The following ABCA13 variants were observed in gnomAD, a reference collection of about 807,000 sequenced individuals.
ABCA13 encodes the protein ATP-binding cassette sub-family A member 13.
Under a neutral mutation model 478.7 loss-of-function variants are expected in ABCA13, and 476 were observed. The ratio of observed to expected loss-of-function variants is 0.99; its 90% confidence interval spans 0.92 to 1.07. The LOEUF is 1.07. ABCA13 is among the 50% of genes least tolerant of loss of function. The probability of loss-of-function intolerance (pLI) is 0.00; values close to 1 mark genes in which losing one functional copy is unlikely to be tolerated. For missense variants in ABCA13, 6,060 were observed against 5,910.6 expected (o/e 1.03, Z -0.83); for synonymous variants, 2,252 against 2,158.9 (o/e 1.04, Z -1.20).
chr7:48,223,573 A>G (rs993339309), intron 5 of ABCA13, among the ~76,000 whole-genome samples: 2 of 152,122 alleles, frequency 1.3e-5, no homozygotes, highest in African/African-American at 4.8e-5. Flanking sequence ...TGCCACTGGG[A>G]TTAGCAGCAT....
Position 48,455,048 on chromosome 7 carries a change from G to A in ABCA13, c.12577G>A (p.Ala4193Thr). 6.6e-7 allele frequency: 1 copy of A among 1,523,036 alleles called. No homozygotes were observed. Among genetic ancestry groups the A allele is most frequent in the Non-Finnish European group, 8.8e-7 (1 of 1,137,024 alleles). 94.3% of individuals were successfully genotyped at this position (1,523,036 alleles called of 1,614,324 possible). A position where few individuals can be genotyped will look rare whatever the true frequency, so the allele number is the denominator to read the frequency against. The change falls in exon 43 of 62, where the codon GCA (alanine) becomes ACA (threonine). Residue 4193 changes from alanine to threonine, a missense_variant. Around this residue, in one of 3 missense-constraint regions of ABCA13, gnomAD observed 1,627 missense variants for 1,571.0 expected, o/e 1.04. Coordinates refer to ENST00000435803, the MANE Select transcript of ABCA13 (RefSeq NM_152701.5). ...GHLSGYCGSLARPATVQGVQL... is the reference protein window; with the variant it reads ...GHLSGYCGSLTRPATVQGVQL... ...CGCCCGTCCTGCAGGTGGCTCCCTA[G>A]CACGGCCCGCAACTGTGCAGGGCGT...
At chr7:48,288,754 G>A (rs1028220715) in intron 20 of ABCA13, among the ~76,000 whole-genome samples, 1 of 152,156 alleles carries the variant, frequency 6.6e-6, no homozygotes, top group Non-Finnish European at 1.5e-5. Context: ...AACCAGCATA[G>A]CAATTTCCTT....
At chr7:48,550,507 C>A (rs1346794614) in intron 55 of ABCA13, among the ~76,000 whole-genome samples, 2 of 151,858 alleles carry the variant, frequency 1.3e-5, no homozygotes, top group East Asian at 3.9e-4. Flanking sequence ...ATCCGCCCCC[C>A]CTCAGCCTCC....
At chr7:48,409,812 G>T (rs544308383) in intron 39 of ABCA13, among the ~76,000 whole-genome samples, 4 of 151,882 alleles carry the variant, frequency 2.6e-5, no homozygotes, top group South Asian at 4.2e-4. Context: ...GGCATGGAGG[G>T]TTCACACTTG....
intron 2 of ABCA13, among the ~76,000 whole-genome samples, chr7:48,195,994 G>C (rs1160764459): frequency 6.6e-6 from 1 of 152,138 alleles, no homozygotes; most frequent in African/African-American, 2.4e-5. Context: ...AGAAAACCAG[G>C]TGTACTGTGC....
intron 15 of ABCA13, among the ~76,000 whole-genome samples, chr7:48,256,513 A>G (rs1366688267): frequency 6.6e-6 from 1 of 152,136 alleles, no homozygotes; most frequent in Non-Finnish European, 1.5e-5. Flanking sequence ...TCTTCTGCAC[A>G]TGGCTAGCCA....
chr7:48,407,495 A>G (rs979782298), intron 39 of ABCA13, among the ~76,000 whole-genome samples: 66 of 152,138 alleles, frequency 4.3e-4, no homozygotes, highest in African/African-American at 1.5e-3. Flanking sequence ...ATTTTCAGGG[A>G]AAGAAAGCCA....
chr7:48,205,798 C>A (rs575251277), intron 3 of ABCA13, among the ~76,000 whole-genome samples: 38 of 152,030 alleles, frequency 2.5e-4, no homozygotes, highest in Non-Finnish European at 1.6e-4. Flanking sequence ...GTTGCTATTG[C>A]AAATAGTATT....
chr7:48,427,710 A>G, intron 41 of ABCA13, 56 bp from the exon 42 acceptor site: 1 of 1,169,296 alleles, frequency 8.6e-7, no homozygotes, highest in Non-Finnish European at 1.3e-6. Context: ...GAAGAAAAGA[A>G]ATGCGATGTG....
At chr7:48,300,835 C>G (rs892793971) in intron 23 of ABCA13, among the ~76,000 whole-genome samples, 1 of 152,190 alleles carries the variant, frequency 6.6e-6, no homozygotes, top group Admixed American at 6.5e-5. Flanking sequence ...TCTAGCCCAG[C>G]CTTCTGTCCT....
Position 48,305,376 on chromosome 7 carries a change from G to A in ABCA13, c.9322-4571G>A, listed in dbSNP as rs145405769. On this transcript the variant is annotated intron_variant, in intron 23 of 61. Transcript: ENST00000435803. Reference sequence around the variant, plus strand: ...TCTCTTGTACTTGCCTCTTTATCCTGTGAGCAGCTCTGAGCTCAAATGGGT... The same window carrying A: ...TCTCTTGTACTTGCCTCTTTATCCTATGAGCAGCTCTGAGCTCAAATGGGT... Among the ~76,000 whole-genome samples the A allele has an allele frequency of 1.0e-3, 155 of 152,278 alleles. 1 individual carries two copies. Among genetic ancestry groups the A allele is most frequent in the African/African-American group, 3.5e-3 (144 of 41,556 alleles).
intron 20 of ABCA13, among the ~76,000 whole-genome samples, chr7:48,292,379 G>T (rs572897415): frequency 1.3e-5 from 2 of 151,978 alleles, no homozygotes; most frequent in Non-Finnish European, 2.9e-5. Context: ...ACCTCCACCA[G>T]CACCTTTCAG....
intron 41 of ABCA13, among the ~76,000 whole-genome samples, chr7:48,423,696 A>G (rs1162601828): frequency 2.0e-5 from 3 of 152,252 alleles, no homozygotes; most frequent in African/African-American, 7.2e-5. Flanking sequence ...CCTTGAAAAG[A>G]AAGAGTGGAT....
At chr7:48,644,896 G>T in intron 61 of ABCA13, 142 bp downstream of exon 61, 2 of 944,408 alleles carry the variant, frequency 2.1e-6, no homozygotes, top group African/African-American at 1.7e-5. Context: ...ATTATGATAA[G>T]GATGGTGAGT....
intron 47 of ABCA13, among the ~76,000 whole-genome samples, chr7:48,484,597 G>A (rs1410280628): frequency 6.6e-6 from 1 of 152,178 alleles, no homozygotes; most frequent in African/African-American, 2.4e-5. Flanking sequence ...CTGAGGCACG[G>A]ACCTCTTGTT....
chr7:48,303,146 G>GT, intron 23 of ABCA13, among the ~76,000 whole-genome samples: 1 of 152,200 alleles, frequency 6.6e-6, no homozygotes, highest in South Asian at 2.1e-4. Flanking sequence ...CTTCTGAAAA[G>GT]TGTCTGTTCA....
intron 42 of ABCA13, among the ~76,000 whole-genome samples, chr7:48,429,721 T>C (rs1341557099): frequency 6.6e-6 from 1 of 152,238 alleles, no homozygotes; most frequent in African/African-American, 2.4e-5. Context: ...GTTTATGAAG[T>C]TGAAGAAGTT....
At chr7:48,401,586 C>T (rs925771139) in intron 38 of ABCA13, among the ~76,000 whole-genome samples, 2 of 152,138 alleles carry the variant, frequency 1.3e-5, no homozygotes, top group African/African-American at 4.8e-5. Flanking sequence ...TTTGATGCCC[C>T]TACCTTTATA....
In ABCA13 at chr7:48,511,109, T is replaced by C. The variant is rs972820093; in HGVS notation, c.13550T>C (p.Leu4517Pro). 3.7e-6 allele frequency: 6 copies of C among 1,613,740 alleles called. No individual in the cohort carries two copies. Among genetic ancestry groups the C allele is most frequent in the Admixed American group, 1.7e-5 (1 of 60,028 alleles). ...DMLFYLVSVCLCVAVIVAFQL... is the reference protein window; with the variant it reads ...DMLFYLVSVCPCVAVIVAFQL... Reference sequence around the variant, plus strand: ...CTCTTTTACTTGGTTTCCGTCTGCCTGTGTGTTGCCGTTATTGTCGCCTTC... The same window carrying C: ...CTCTTTTACTTGGTTTCCGTCTGCCCGTGTGTTGCCGTTATTGTCGCCTTC... Residue 4517 changes from leucine to proline, a missense_variant, in exon 51 of 62, where the codon CTG becomes CCG. Physicochemically the swap from Leu to Pro is moderately conservative, Grantham distance 98. Coordinates refer to ENST00000435803, the MANE Select transcript of ABCA13 (RefSeq NM_152701.5).
Sources: allele counts gnomAD v4.1 joint callset (sites outside exome capture counted in the v4.1 genomes callset), GRCh38; gene constraint gnomAD v4.1.1; regional missense constraint gnomAD v4.1.1; transcripts MANE v1.5; gene names NCBI Gene and HGNC (gene_info 2026-07-23, HGNC 2026-07-21).